Variants in DNAH3 observed in about 807,000 individuals in gnomAD.
DNAH3 encodes the protein dynein axonemal heavy chain 3.
A neutral mutation model predicts 432.5 loss-of-function variants in DNAH3; 332 were observed. That is an observed-to-expected ratio of 0.77 (90% CI 0.70 to 0.84). The LOEUF (loss-of-function observed/expected upper bound fraction) is 0.84, where lower values mean the gene tolerates loss of function less well. Among genes scored for constraint, DNAH3 ranks in the 40% least tolerant of loss-of-function variants. The probability of loss-of-function intolerance (pLI) is 0.00; values close to 1 mark genes in which losing one functional copy is unlikely to be tolerated. For missense variants in DNAH3, 4,861 were observed against 5,114.0 expected (o/e 0.95, Z 1.51); for synonymous variants, 1,956 against 1,900.2 (o/e 1.03, Z -0.76).
At chr16:21,117,250 C>A (rs746153367) in exon 12 of DNAH3, 14 of 1,610,300 alleles carry the variant, frequency 8.7e-6, no homozygotes, top group Admixed American at 5.1e-5. Flanking sequence ...AAGTTTGAAT[C>A]AAAAAATCAG....
Position 21,125,379 on chromosome 16 carries a change from A to C in DNAH3, c.1209-9T>G. Reference sequence around the variant, plus strand: ...CGCAGGTGGGGATCCACCTGTAAAGACAGAAGGGTGTCCATGTGAGAAGCT... The same window carrying C: ...CGCAGGTGGGGATCCACCTGTAAAGCCAGAAGGGTGTCCATGTGAGAAGCT... On this transcript the variant is annotated splice_polypyrimidine_tract_variant and intron_variant, in intron 8 of 61. Transcript: ENST00000261383. 1 of 1,577,228 alleles carries C rather than the reference A, an allele frequency of 6.3e-7. No homozygotes were observed. Among genetic ancestry groups the C allele is most frequent in the South Asian group, 1.2e-5 (1 of 85,392 alleles).
rs549959652 is a variant in DNAH3, at chr16:21,009,932, G to T, written c.6023-6725C>A. ...GGAGAGGAGGGGAGGGGAGGGGAGG[G>T]GAGGGGAGGAAAAGAAGGAAGGGAA... On this transcript the variant is annotated intron_variant, in intron 41 of 61. Transcript: ENST00000261383. Among the ~76,000 whole-genome samples, 152 of 144,940 alleles carry T rather than the reference G, an allele frequency of 1.0e-3. 1 individual carries two copies. The highest frequency in any genetic ancestry group is 3.5e-3 in the Middle Eastern group (1 of 282).
intron 55 of DNAH3, among the ~76,000 whole-genome samples, chr16:20,953,947 G>A (rs1423244395): frequency 6.6e-6 from 1 of 152,022 alleles, no homozygotes; most frequent in Admixed American, 6.6e-5. Flanking sequence ...GTCCTCTAAT[G>A]TCCTCAGGTT....
intron 52 of DNAH3, among the ~76,000 whole-genome samples, chr16:20,968,824 TG>T (rs1483829613): frequency 1.3e-5 from 2 of 149,740 alleles, no homozygotes; most frequent in African/African-American, 5.0e-5. Context: ...TTCGTGTGAG[TG>T]TTTTTTTCTC....
In DNAH3 at chr16:21,111,817, G is replaced by C. The variant is rs757045875; in HGVS notation, c.1921-13C>G. 33 of 1,610,108 alleles carry C rather than the reference G, an allele frequency of 2.0e-5. No individual in the cohort carries two copies. Among genetic ancestry groups the C allele is most frequent in the Non-Finnish European group, 2.2e-5 (26 of 1,177,476 alleles). On this transcript the variant is annotated splice_polypyrimidine_tract_variant and intron_variant, in intron 13 of 61. Coordinates refer to ENST00000261383, the Ensembl canonical transcript of DNAH3. ...TGGCATTGATCTTCTGCAGAAAGGA[G>C]CACATTCAGTAGCTTGATTTGCCCT... is the stretch of plus-strand genomic sequence containing the variant.
chr16:21,154,054 T>C (rs2092882695), intron 1 of DNAH3, among the ~76,000 whole-genome samples: 1 of 152,218 alleles, frequency 6.6e-6, no homozygotes. Context: ...TCTCCTATAC[T>C]GGGTGTGAAA....
chr16:21,142,002 G>A (rs61501762), intron 3 of DNAH3, among the ~76,000 whole-genome samples: 3,020 of 151,616 alleles, frequency 0.02, 92 homozygotes, highest in African/African-American at 0.068. Context: ...GCAGTGAGCC[G>A]AGATCGTGCC....
rs1029702542 is a variant in DNAH3 at position 21,068,447 on chromosome 16, G to A, written c.3381+968C>T. Among the ~76,000 whole-genome samples the A allele has an allele frequency of 2.6e-5, 4 of 151,888 alleles. No homozygotes were observed. The East Asian group carries it at 5.8e-4, about 22-fold the overall frequency. On this transcript the variant is annotated intron_variant, in intron 23 of 61. Transcript: ENST00000261383. ...CTCCTGCCTCAGCCTTGGAATAGCC[G>A]GGATTACAGGTGCACACCACCATAC... is the stretch of plus-strand genomic sequence containing the variant.
At chr16:20,959,354 T>G (rs1004997123) in exon 54 of DNAH3, 2 of 1,614,088 alleles carry the variant, frequency 1.2e-6, no homozygotes, top group African/African-American at 2.7e-5. Flanking sequence ...AGGGAGATGG[T>G]CTGTGTTCTG....
At chr16:21,106,424 T>C (rs1049609550) in intron 15 of DNAH3, 66 bp downstream of exon 15, 30 of 1,239,672 alleles carry the variant, frequency 2.4e-5, no homozygotes, top group Non-Finnish European at 3.0e-5. Flanking sequence ...TGAAATGTTA[T>C]ATATACAAAT....
chr16:20,960,911 T>C (rs1003325064), intron 53 of DNAH3, among the ~76,000 whole-genome samples: 1 of 152,138 alleles, frequency 6.6e-6, no homozygotes, highest in Non-Finnish European at 1.5e-5. Context: ...AGCTGAGAAA[T>C]TTCCCATAAA....
At position 20,959,409 on chromosome 16, in the gene DNAH3, G is replaced by A; in HGVS notation, c.10601-5C>T. On this transcript the variant is annotated splice_polypyrimidine_tract_variant and splice_region_variant and intron_variant, in intron 53 of 61. Transcript: ENST00000261383. Reference sequence around the variant, plus strand: ...CATCAGCAAACTTCAGCAGGCCTGAGACCAGGAAGAAAGGAGGCTTTTGAA... The same window carrying A: ...CATCAGCAAACTTCAGCAGGCCTGAAACCAGGAAGAAAGGAGGCTTTTGAA... 1 of 1,607,998 alleles carries A rather than the reference G, an allele frequency of 6.2e-7. No homozygotes were observed. Among genetic ancestry groups the A allele is most frequent in the Non-Finnish European group, 8.5e-7 (1 of 1,174,852 alleles).
At chr16:21,145,206 C>G in exon 3 of DNAH3, 2 of 1,612,518 alleles carry the variant, frequency 1.2e-6, no homozygotes, top group Non-Finnish European at 1.7e-6. Flanking sequence ...CCTGACCGGT[C>G]CTGTCCCTAG....
intron 5 of DNAH3, among the ~76,000 whole-genome samples, chr16:21,137,285 G>A (rs989202788): frequency 2.7e-5 from 4 of 146,376 alleles, no homozygotes; most frequent in African/African-American, 1.0e-4. Context: ...AAAAAGTAAA[G>A]GAATGACAAG....
chr16:21,148,503 T>C (rs1257566449), intron 1 of DNAH3, among the ~76,000 whole-genome samples: 1 of 151,636 alleles, frequency 6.6e-6, no homozygotes, highest in African/African-American at 2.4e-5. Context: ...AGTGACACAA[T>C]CTTGGCTCAC....
intron 57 of DNAH3, among the ~76,000 whole-genome samples, chr16:20,945,531 G>C (rs1404205636): frequency 6.7e-6 from 1 of 148,724 alleles, no homozygotes; most frequent in Admixed American, 6.7e-5. Context: ...CTTGCTGTCT[G>C]CCAGGCTGGA....
intron 25 of DNAH3, 55 bp from the exon 26 acceptor site, chr16:21,060,411 G>A (rs2152751176): frequency 7.3e-7 from 1 of 1,379,192 alleles, no homozygotes; most frequent in Non-Finnish European, 1.0e-6. Context: ...CAGAGGGAGG[G>A]AGAGTGGGCA....
intron 33 of DNAH3, among the ~76,000 whole-genome samples, chr16:21,039,050 C>T (rs2089302058): frequency 6.6e-6 from 1 of 151,940 alleles, no homozygotes; most frequent in South Asian, 2.2e-4. Flanking sequence ...TGTGTGTATA[C>T]ACACGTACAC....
intron 5 of DNAH3, among the ~76,000 whole-genome samples, chr16:21,139,258 G>A (rs1044428850): frequency 1.5e-4 from 21 of 137,786 alleles, no homozygotes; most frequent in South Asian, 7.6e-4. Context: ...CTACTGCTTA[G>A]CACCAAATAT....
Sources: gnomAD v4.1 joint callset for allele counts (sites outside exome capture counted in the v4.1 genomes callset) on GRCh38, gnomAD v4.1.1 for gene constraint, MANE v1.5 for transcripts, NCBI Gene and HGNC (gene_info 2026-07-23, HGNC 2026-07-21) for gene names.